The following TBC1D19 variants were observed in gnomAD, a reference collection of about 807,000 sequenced individuals.
TBC1D19 encodes TBC1 domain family member 19, also known as TBC1 domain family, member 19.
Under a neutral mutation model 89.0 loss-of-function variants are expected in TBC1D19, and 60 were observed. The observed-to-expected ratio is 0.67, with a 90% CI of 0.55 to 0.84. The LOEUF is 0.84. TBC1D19 is among the 40% of genes least tolerant of loss of function. The probability of loss-of-function intolerance (pLI) is 0.00; values close to 1 mark genes in which losing one functional copy is unlikely to be tolerated. For synonymous variants in TBC1D19, 189 were observed against 199.7 expected, an observed-to-expected ratio of 0.95 and a Z score of 0.45; for missense variants, 500 against 610.8, an observed-to-expected ratio of 0.82 and a Z score of 1.91.
At chr4:26,852,919 G>A in the TBC1D19 span, among the ~76,000 whole-genome samples, 1 of 152,128 alleles carries the variant, frequency 6.6e-6, no homozygotes, top group South Asian at 2.1e-4. Flanking sequence ...GCACCCGGCC[G>A]GATTCTACCA....
the TBC1D19 span, among the ~76,000 whole-genome samples, chr4:26,816,540 C>T: frequency 6.6e-6 from 1 of 152,084 alleles, no homozygotes; most frequent in Non-Finnish European, 1.5e-5. Flanking sequence ...AAAAACCTGG[C>T]AGAAATCCCG....
chr4:26,756,643 A>T (rs146181504), downstream of TBC1D19, among the ~76,000 whole-genome samples: 105 of 152,286 alleles, frequency 6.9e-4, no homozygotes, highest in South Asian at 5.0e-3. Context: ...AGAAAATACT[A>T]TATTTGAAAG....
At chr4:26,816,495 A>C in the TBC1D19 span, among the ~76,000 whole-genome samples, 1 of 152,214 alleles carries the variant, frequency 6.6e-6, no homozygotes, top group Non-Finnish European at 1.5e-5. Context: ...CATGCATATA[A>C]ATTCCAAAGG....
At chr4:26,578,434 T>C (rs1250801448) in intron 1 of TBC1D19, among the ~76,000 whole-genome samples, 2 of 152,158 alleles carry the variant, frequency 1.3e-5, no homozygotes, top group African/African-American at 4.8e-5. Context: ...TTGTAGATAT[T>C]GCTAGGCCTT....
At chr4:26,715,354 A>G (rs75827034) in intron 13 of TBC1D19, among the ~76,000 whole-genome samples, 2,295 of 152,056 alleles carry the variant, frequency 0.015, 54 homozygotes, top group African/African-American at 0.051. Flanking sequence ...ATCTCAATCT[A>G]TCAGTAACTC....
At chr4:26,718,655 T>C (rs1325942930) in intron 14 of TBC1D19, among the ~76,000 whole-genome samples, 1 of 152,078 alleles carries the variant, frequency 6.6e-6, no homozygotes, top group Non-Finnish European at 1.5e-5. Context: ...GTCTGAACTA[T>C]CTGCCTGATT....
chr4:26,655,235 T>G (rs1220992119), intron 7 of TBC1D19, among the ~76,000 whole-genome samples: 1 of 152,180 alleles, frequency 6.6e-6, no homozygotes, highest in African/African-American at 2.4e-5. Flanking sequence ...CTCTGGAAGT[T>G]TTGTCTCAGA....
upstream of TBC1D19, among the ~76,000 whole-genome samples, chr4:26,579,492 C>CTT (rs796559539): frequency 3.5e-5 from 5 of 144,772 alleles, no homozygotes; most frequent in Non-Finnish European, 6.1e-5. Flanking sequence ...TCTTTCCTGC[C>CTT]TTTTTTTTTT....
intron 4 of TBC1D19, among the ~76,000 whole-genome samples, chr4:26,627,460 G>A (rs1311506572): frequency 3.9e-5 from 6 of 152,162 alleles, no homozygotes; most frequent in South Asian, 2.1e-4. Context: ...CTGAGGAATC[G>A]CCACACTGAC....
intron 13 of TBC1D19, among the ~76,000 whole-genome samples, chr4:26,692,549 G>A (rs1412162658): frequency 3.3e-5 from 5 of 152,180 alleles, no homozygotes; most frequent in Non-Finnish European, 5.9e-5. Flanking sequence ...CAGAGATTTT[G>A]GCCAGAATGG....
the TBC1D19 span, among the ~76,000 whole-genome samples, chr4:26,805,720 G>T: frequency 6.6e-6 from 1 of 152,196 alleles, no homozygotes; most frequent in African/African-American, 2.4e-5. Context: ...ATCAGGCCGG[G>T]CACAGTGGCT....
the TBC1D19 span, among the ~76,000 whole-genome samples, chr4:26,846,913 G>T: frequency 6.6e-6 from 1 of 151,782 alleles, no homozygotes; most frequent in Non-Finnish European, 1.5e-5. Context: ...TGATTTTCAG[G>T]CTCCTTCATT....
At chr4:26,786,833 G>A in the TBC1D19 span, among the ~76,000 whole-genome samples, 43 of 151,802 alleles carry the variant, frequency 2.8e-4, no homozygotes, top group Admixed American at 2.8e-3. Context: ...GCCAGATGGG[G>A]CCGAATGGCC....
intron 15 of TBC1D19, among the ~76,000 whole-genome samples, chr4:26,727,471 T>C (rs1184690381): frequency 6.6e-6 from 1 of 152,194 alleles, no homozygotes; most frequent in Non-Finnish European, 1.5e-5. Flanking sequence ...TAAGCTGATA[T>C]GTTAATGTGG....
chr4:26,724,421 C>T (rs563787950), intron 15 of TBC1D19, among the ~76,000 whole-genome samples: 2 of 152,058 alleles, frequency 1.3e-5, no homozygotes, highest in East Asian at 3.9e-4. Flanking sequence ...CTTTCTGTCC[C>T]CCTCCCCAAG....
chr4:26,602,142 G>T (rs1740650898), intron 1 of TBC1D19, among the ~76,000 whole-genome samples: 2 of 152,174 alleles, frequency 1.3e-5, no homozygotes, highest in South Asian at 4.1e-4. Context: ...TTAATTAGAA[G>T]TACTTACCAT....
At chr4:26,629,556 A>C (rs12233876) in intron 4 of TBC1D19, among the ~76,000 whole-genome samples, 17,678 of 152,086 alleles carry the variant, frequency 0.12, 1,300 homozygotes, top group East Asian at 0.21. Context: ...CATTCCTAGA[A>C]AATATTCAGA....
At chr4:26,629,362 C>T (rs1398775955) in intron 4 of TBC1D19, among the ~76,000 whole-genome samples, 2 of 152,056 alleles carry the variant, frequency 1.3e-5, no homozygotes, top group Non-Finnish European at 2.9e-5. Flanking sequence ...GCCCCCTATA[C>T]TTCTCTACTA....
At chr4:26,666,179 A>T (rs999762182) in intron 8 of TBC1D19, among the ~76,000 whole-genome samples, 154 bp from the exon 9 acceptor site, 3 of 152,016 alleles carry the variant, frequency 2.0e-5, no homozygotes, top group Non-Finnish European at 2.9e-5. Flanking sequence ...TTAGATGTTT[A>T]ATATGTCCTT....
Sources: allele counts gnomAD v4.1 joint callset (sites outside exome capture counted in the v4.1 genomes callset), GRCh38; gene constraint gnomAD v4.1.1; transcripts MANE v1.5; gene names NCBI Gene and HGNC (gene_info 2026-07-23, HGNC 2026-07-21).